The following ATP8B4 variants were observed in gnomAD, a reference collection of about 807,000 sequenced individuals.
ATP8B4 encodes the protein ATPase phospholipid transporting 8B4 (putative), also known as probable phospholipid-transporting ATPase IM.
In ATP8B4, 133 loss-of-function variants were observed where a neutral mutation model predicts 145.6. The ratio of observed to expected loss-of-function variants is 0.91; its 90% CI spans 0.79 to 1.05. The LOEUF (loss-of-function observed/expected upper bound fraction) is 1.05, where lower values mean the gene tolerates loss of function less well. Ranked by LOEUF, ATP8B4 falls within the 50% of genes least tolerant of loss-of-function variation. ATP8B4 has a pLI of 0.00. For missense variants in ATP8B4, 1,458 were observed against 1,425.2 expected (o/e 1.02, Z -0.37); for synonymous variants, 507 against 492.9 (o/e 1.03, Z -0.38).
chr15:50,172,051 G>C (rs2044681924), intron 1 of ATP8B4, among the ~76,000 whole-genome samples: 1 of 152,096 alleles, frequency 6.6e-6, no homozygotes, highest in African/African-American at 2.4e-5. Context: ...AGATTGAAAT[G>C]GTAAATTAAA....
intron 2 of ATP8B4, among the ~76,000 whole-genome samples, chr15:50,082,438 A>G (rs2054614827): frequency 6.6e-6 from 1 of 152,230 alleles, no homozygotes; most frequent in South Asian, 2.1e-4. Context: ...AAACAAAGTT[A>G]GGGGAGTCAA....
chr15:49,950,356 A>T (rs1358599755), intron 14 of ATP8B4, among the ~76,000 whole-genome samples: 1 of 152,086 alleles, frequency 6.6e-6, no homozygotes, highest in Non-Finnish European at 1.5e-5. Flanking sequence ...TGGTCTACTC[A>T]AGGATTCAAC....
intron 23 of ATP8B4, chr15:49,896,472 T>C (rs771806814): frequency 5.3e-5 from 8 of 152,358 alleles, no homozygotes; most frequent in Non-Finnish European, 7.3e-5. Context: ...ATGCATATCG[T>C]TGAATCCATG....
At chr15:50,054,204 T>C (rs2052404957) in intron 3 of ATP8B4, among the ~76,000 whole-genome samples, 1 of 152,224 alleles carries the variant, frequency 6.6e-6, no homozygotes, top group African/African-American at 2.4e-5. Flanking sequence ...TTGTTCATGC[T>C]ACTTGCCCAA....
intron 16 of ATP8B4, among the ~76,000 whole-genome samples, chr15:49,926,060 C>T (rs1278609628): frequency 6.6e-6 from 1 of 151,992 alleles, no homozygotes; most frequent in South Asian, 2.1e-4. Flanking sequence ...TCTTCCCATC[C>T]TTCATACTGT....
At chr15:50,178,017 G>A (rs59690694) in intron 1 of ATP8B4, among the ~76,000 whole-genome samples, 7 of 152,076 alleles carry the variant, frequency 4.6e-5, no homozygotes, top group African/African-American at 1.2e-4. Context: ...AGGGATGAAC[G>A]TCCTGACCAA....
chr15:50,076,090 C>A (rs1356746123), intron 2 of ATP8B4, among the ~76,000 whole-genome samples: 1 of 152,104 alleles, frequency 6.6e-6, no homozygotes, highest in African/African-American at 2.4e-5. Context: ...GATGATGATC[C>A]TTCTAAAATT....
chr15:50,000,901 A>G (rs1326788421), intron 8 of ATP8B4, among the ~76,000 whole-genome samples: 1 of 152,084 alleles, frequency 6.6e-6, no homozygotes, highest in Non-Finnish European at 1.5e-5. Flanking sequence ...TATTAAGTGT[A>G]TAGTCTTTTT....
At chr15:49,913,127 T>G (rs541734051) in intron 20 of ATP8B4, among the ~76,000 whole-genome samples, 5 of 151,736 alleles carry the variant, frequency 3.3e-5, no homozygotes, top group Admixed American at 3.3e-4. Flanking sequence ...CACCTGGCTT[T>G]TTTTTTTGTG....
intron 13 of ATP8B4, among the ~76,000 whole-genome samples, chr15:49,971,024 G>A (rs540013698): frequency 6.6e-6 from 1 of 152,234 alleles, no homozygotes; most frequent in Admixed American, 6.5e-5. Context: ...ATGGAGAAAG[G>A]ATTCCCTGTT....
chr15:50,153,529 G>A lies in ATP8B4; in HGVS notation c.-43+28732C>T, dbSNP rs1230791615. Among the ~76,000 whole-genome samples the A allele has an allele frequency of 1.3e-4, 20 of 152,082 alleles. 1 individual carries two copies. The highest frequency in any genetic ancestry group is 1.3e-3 in the Admixed American group (20 of 15,266). On this transcript the variant is annotated intron_variant, in intron 1 of 3. Transcript: ENST00000558829. ...AATTTTTGTATTTTTAGTAGAGACG[G>A]GGTTTCACCGTGTTAGCCAGGATAG... is the stretch of plus-strand genomic sequence containing the variant.
At chr15:50,082,580 G>A (rs2054623036) in intron 2 of ATP8B4, among the ~76,000 whole-genome samples, 1 of 152,130 alleles carries the variant, frequency 6.6e-6, no homozygotes, top group Non-Finnish European at 1.5e-5. Flanking sequence ...ACAAAGAAAT[G>A]TAAAATTTTT....
chr15:50,131,632 A>G (rs1240848607), intron 1 of ATP8B4, among the ~76,000 whole-genome samples: 1 of 152,038 alleles, frequency 6.6e-6, no homozygotes, highest in Non-Finnish European at 1.5e-5. Context: ...GGGGAGTAAC[A>G]TTTCAATATC....
intron 7 of ATP8B4, 75 bp from the exon 8 acceptor site, chr15:50,002,298 C>A: frequency 8.3e-7 from 1 of 1,205,612 alleles, no homozygotes; most frequent in South Asian, 1.3e-5. Flanking sequence ...TATATCACCT[C>A]TTGACTACTA....
At chr15:50,098,777 G>C (rs981531566) in intron 2 of ATP8B4, among the ~76,000 whole-genome samples, 2 of 152,030 alleles carry the variant, frequency 1.3e-5, no homozygotes, top group African/African-American at 2.4e-5. Context: ...TCTGATTCAG[G>C]GCTGACTTAT....
chr15:50,131,852 T>G (rs1361586985), intron 1 of ATP8B4, among the ~76,000 whole-genome samples: 2 of 150,614 alleles, frequency 1.3e-5, no homozygotes, highest in Non-Finnish European at 3.0e-5. Flanking sequence ...TTAGAAATAT[T>G]TTAAAAATAA....
intron 1 of ATP8B4, among the ~76,000 whole-genome samples, chr15:50,152,738 A>G (rs150271849): frequency 3.9e-5 from 6 of 152,362 alleles, no homozygotes; most frequent in Non-Finnish European, 8.8e-5. Flanking sequence ...AGCGATAATC[A>G]AAAGATTTCA....
intron 3 of ATP8B4, among the ~76,000 whole-genome samples, chr15:50,072,948 C>A (rs1567305859): frequency 7.3e-5 from 2 of 27,350 alleles, no homozygotes; most frequent in Non-Finnish European, 6.4e-5. Context: ...CTCTCTCTCT[C>A]TCTCTCTCTC....
intron 2 of ATP8B4, among the ~76,000 whole-genome samples, chr15:50,080,981 C>T (rs1375970219): frequency 4.6e-5 from 7 of 151,998 alleles, no homozygotes; most frequent in African/African-American, 9.7e-5. Flanking sequence ...GGCGTGGTGG[C>T]GGGCACCTCT....
Sources: gnomAD v4.1 joint callset for allele counts (sites outside exome capture counted in the v4.1 genomes callset) on GRCh38, gnomAD v4.1.1 for gene constraint, MANE v1.5 for transcripts, NCBI Gene and HGNC (gene_info 2026-07-23, HGNC 2026-07-21) for gene names.